ARID5B: variants seen among roughly 807,000 people sequenced by gnomAD.
The protein encoded by ARID5B is AT-rich interactive domain-containing protein 5B.
ARID5B carries 13 observed loss-of-function variants against 97.2 expected under a neutral mutation model. That is an observed-to-expected ratio of 0.13 (90% confidence interval 0.09 to 0.21). The LOEUF is 0.21. Among genes scored for constraint, ARID5B ranks in the 10% least tolerant of loss-of-function variants. The pLI is 1.00. For missense variants in ARID5B, 1,210 were observed against 1,465.3 expected, an observed-to-expected ratio of 0.83 and a Z score of 2.84; for synonymous variants, 556 against 570.3, an observed-to-expected ratio of 0.97 and a Z score of 0.36.
At chr10:61,928,120 T>A (rs1038631206) in intron 2 of ARID5B, among the ~76,000 whole-genome samples, 1 of 152,144 alleles carries the variant, frequency 6.6e-6, no homozygotes, top group African/African-American at 2.4e-5. Context: ...TTGTGTTTGG[T>A]AGAAGGGTCT....
chr10:61,991,041 T>TACACACACAC (rs397802272), intron 3 of ARID5B, among the ~76,000 whole-genome samples: 14,097 of 144,978 alleles, frequency 0.097, 731 homozygotes, highest in East Asian at 0.2. Flanking sequence ...ATTTATCCTG[T>TACACACACAC]ACACACACAC....
At chr10:62,043,715 C>CG (rs1357226790) in intron 4 of ARID5B, among the ~76,000 whole-genome samples, 2 of 152,238 alleles carry the variant, frequency 1.3e-5, no homozygotes, top group African/African-American at 2.4e-5. Context: ...AGAGAGACGG[C>CG]GGATCAGGAA....
intron 4 of ARID5B, among the ~76,000 whole-genome samples, chr10:62,008,100 T>A (rs113067445): frequency 0.028 from 2,896 of 104,154 alleles, 102 homozygotes; most frequent in African/African-American, 0.11. Context: ...ACACACACAC[T>A]GCCACATAAG....
At chr10:62,059,655 A>T (rs1839898155) in intron 7 of ARID5B, among the ~76,000 whole-genome samples, 1 of 152,208 alleles carries the variant, frequency 6.6e-6, no homozygotes. Context: ...TTCATGTCTA[A>T]TATGGGAAAT....
chr10:62,075,544 C>T (rs892180109), intron 8 of ARID5B, among the ~76,000 whole-genome samples: 5 of 152,234 alleles, frequency 3.3e-5, no homozygotes, highest in African/African-American at 7.2e-5. Context: ...TTCCCATTGA[C>T]CTTGCCTTGC....
At chr10:61,933,298 G>A (rs1450049394) in intron 2 of ARID5B, among the ~76,000 whole-genome samples, 1 of 152,170 alleles carries the variant, frequency 6.6e-6, no homozygotes, top group Non-Finnish European at 1.5e-5. Flanking sequence ...TTCTTCCACT[G>A]AAGTCTTAAA....
rs541943423 is a variant in ARID5B, at chr10:62,067,065, C to T, written c.1102-2635C>T. 9.9e-5 allele frequency among the ~76,000 whole-genome samples: 15 copies of T among 151,140 alleles called. No individual in the cohort carries two copies. In the East Asian group the frequency reaches 1.9e-3, roughly 20 times the overall value. On this transcript the variant is annotated intron_variant, in intron 7 of 9. Coordinates refer to ENST00000279873, the MANE Select transcript of ARID5B (RefSeq NM_032199.3). ...ATATAATTGAGACTTATTTGTGACTCGGTGGTGAACTTAATATAGAACTTC... is the reference window on the plus strand; with the variant it reads ...ATATAATTGAGACTTATTTGTGACTTGGTGGTGAACTTAATATAGAACTTC...
At chr10:61,966,575 TGG>T (rs1266087420) in intron 3 of ARID5B, among the ~76,000 whole-genome samples, 1 of 152,178 alleles carries the variant, frequency 6.6e-6, no homozygotes, top group Admixed American at 6.6e-5. Flanking sequence ...TGTTTTTACA[TGG>T]ACCAAATACC....
Position 62,092,263 on chromosome 10 carries a change from A to G in ARID5B, c.2800A>G (p.Ser934Gly), listed in dbSNP as rs1195081675. Residue 934 changes from serine (S) to glycine (G), a missense_variant, in exon 10 of 10, where the codon AGC becomes GGC. Coordinates refer to ENST00000279873, the MANE Select transcript of ARID5B (RefSeq NM_032199.3). ...LAHSTTGPQE[S>G]KGISQFQVLG... is the part of the protein sequence containing the mutation. ...TCATTCCACCACAGGGCCCCAGGAG[A>G]GCAAAGGCATCTCCCAGTTCCAGGT... 2 of 1,606,988 alleles carry G rather than the reference A, an allele frequency of 1.2e-6. No homozygotes were observed.
rs73276031 is a variant in ARID5B at position 62,056,619 on chromosome 10, C to A, written c.847-498C>A. On this transcript the variant is annotated intron_variant, in intron 5 of 9. Transcript: ENST00000279873. Reference sequence around the variant, plus strand: ...GGCAGGGTTTGTTCAAGGACATTAACTGATGCTTCTCCTTAAGAAAATAAA... The same window carrying A: ...GGCAGGGTTTGTTCAAGGACATTAAATGATGCTTCTCCTTAAGAAAATAAA... 9.1e-3 allele frequency among the ~76,000 whole-genome samples: 1,382 copies of A among 152,266 alleles called. 25 individuals are homozygous for A. The highest frequency in any genetic ancestry group is 0.031 in the African/African-American group (1,308 of 41,542).
intron 4 of ARID5B, among the ~76,000 whole-genome samples, chr10:62,041,518 T>C (rs970122851): frequency 2.6e-5 from 4 of 152,232 alleles, no homozygotes; most frequent in African/African-American, 9.6e-5. Context: ...TCTGTACAAA[T>C]TCCTTTTTGG....
At chr10:61,992,797 TTC>T (rs1418306417) in intron 3 of ARID5B, among the ~76,000 whole-genome samples, 5 of 152,162 alleles carry the variant, frequency 3.3e-5, no homozygotes, top group Admixed American at 2.0e-4. Flanking sequence ...GTATGGCTAG[TTC>T]TGTTTTCTGT....
chr10:62,052,214 A>G (rs1839799502), intron 5 of ARID5B, among the ~76,000 whole-genome samples: 1 of 152,232 alleles, frequency 6.6e-6, no homozygotes, highest in Non-Finnish European at 1.5e-5. Context: ...TGTTTTGCAC[A>G]TTTAACTTTC....
intron 3 of ARID5B, among the ~76,000 whole-genome samples, chr10:61,983,593 C>T (rs1332921598): frequency 6.6e-6 from 1 of 152,078 alleles, no homozygotes; most frequent in African/African-American, 2.4e-5. Context: ...TCTCTGTCCA[C>T]ATCCCACCTG....
chr10:62,081,842 G>A (rs1840217569), intron 8 of ARID5B, among the ~76,000 whole-genome samples: 1 of 152,188 alleles, frequency 6.6e-6, no homozygotes, highest in Non-Finnish European at 1.5e-5. Flanking sequence ...AAAACCTAGT[G>A]TACTAAGCAC....
At chr10:61,934,796 TGAGGTCAGGAGTTCGA>T (rs1310515747) in intron 2 of ARID5B, among the ~76,000 whole-genome samples, 1 of 152,028 alleles carries the variant, frequency 6.6e-6, no homozygotes, top group Non-Finnish European at 1.5e-5. Context: ...GGGTGGATCA[TGAGGTCAGGAGTTCGA>T]GGCCAGCCTG....
In ARID5B at chr10:61,919,955, C is replaced by T. The variant is rs564275821; in HGVS notation, c.276+17542C>T. Among the ~76,000 whole-genome samples the T allele has an allele frequency of 4.6e-5, 7 of 152,128 alleles. No homozygotes were observed. In the East Asian group the frequency reaches 1.2e-3, roughly 25 times the overall value. On this transcript the variant is annotated intron_variant, in intron 2 of 9. Coordinates refer to ENST00000279873, the MANE Select transcript of ARID5B (RefSeq NM_032199.3). The stretch of plus-strand genomic sequence containing the variant: ...TTTCTTTACATTATAGGTCCTCTTT[C>T]TCACTCCACATTTTTGATATTACTA...
At chr10:62,043,557 G>A (rs2132921341) in intron 4 of ARID5B, among the ~76,000 whole-genome samples, 1 of 152,306 alleles carries the variant, frequency 6.6e-6, no homozygotes, top group African/African-American at 2.4e-5. Flanking sequence ...GTGTTTTAAT[G>A]GCAAGAATGC....
chr10:61,942,488 G>A (rs1844427323), intron 3 of ARID5B, among the ~76,000 whole-genome samples: 2 of 152,334 alleles, frequency 1.3e-5, no homozygotes, highest in African/African-American at 2.4e-5. Flanking sequence ...GCCAATGAAT[G>A]TGTATTGATA....
Sources: allele counts gnomAD v4.1 joint callset (sites outside exome capture counted in the v4.1 genomes callset), GRCh38; gene constraint gnomAD v4.1.1; transcripts MANE v1.5; gene names NCBI Gene and HGNC (gene_info 2026-07-23, HGNC 2026-07-21).